CTNNAL1: variants seen among roughly 807,000 people sequenced by gnomAD.
The protein encoded by CTNNAL1 is catenin alpha like 1, also known as alpha-catulin.
CTNNAL1 carries 69 observed loss-of-function variants against 93.6 expected under a neutral mutation model. The observed-to-expected ratio is 0.74, with a 90% CI of 0.61 to 0.90. The LOEUF (loss-of-function observed/expected upper bound fraction) is 0.90, where lower values mean the gene tolerates loss of function less well. Ranked by LOEUF, CTNNAL1 falls within the 40% of genes least tolerant of loss-of-function variation. The probability of loss-of-function intolerance (pLI) is 0.00; values close to 1 mark genes in which losing one functional copy is unlikely to be tolerated. For missense variants in CTNNAL1, 836 were observed against 862.0 expected, an observed-to-expected ratio of 0.97 and a Z score of 0.38; for synonymous variants, 286 against 305.4, an observed-to-expected ratio of 0.94 and a Z score of 0.66.
chr9:108,998,121 C>T (rs989114563), intron 2 of CTNNAL1, among the ~76,000 whole-genome samples: 2 of 152,194 alleles, frequency 1.3e-5, no homozygotes, highest in African/African-American at 4.8e-5. Flanking sequence ...AATTCCCTAT[C>T]CCAGGAGTTC....
At chr9:108,966,949 C>T (rs1830970993) in intron 10 of CTNNAL1, among the ~76,000 whole-genome samples, 2 of 152,152 alleles carry the variant, frequency 1.3e-5, no homozygotes, top group Non-Finnish European at 2.9e-5. Flanking sequence ...TGGCCCATTA[C>T]ATAAAACACA....
At chr9:108,973,655 C>G (rs1181928808) in intron 8 of CTNNAL1, among the ~76,000 whole-genome samples, 1 of 148,738 alleles carries the variant, frequency 6.7e-6, no homozygotes, top group Admixed American at 6.8e-5. Context: ...ACTATTAACT[C>G]CAAAATCTTT....
intron 11 of CTNNAL1, among the ~76,000 whole-genome samples, chr9:108,961,865 A>G (rs1830828718): frequency 6.6e-6 from 1 of 152,182 alleles, no homozygotes; most frequent in Admixed American, 6.5e-5. Context: ...ACAAGAATAC[A>G]GTCATTACTT....
At chr9:108,945,367 C>T (rs534206784) in intron 15 of CTNNAL1, among the ~76,000 whole-genome samples, 35 of 152,174 alleles carry the variant, frequency 2.3e-4, no homozygotes, top group African/African-American at 8.2e-4. Flanking sequence ...AAGTAAATCG[C>T]AGTTATACTG....
chr9:108,986,608 C>G (rs1831616492), intron 4 of CTNNAL1, among the ~76,000 whole-genome samples: 1 of 151,500 alleles, frequency 6.6e-6, no homozygotes, highest in Non-Finnish European at 1.5e-5. Flanking sequence ...GCCACACTGA[C>G]TTCCACAATG....
intron 4 of CTNNAL1, among the ~76,000 whole-genome samples, chr9:108,988,443 T>C (rs1385542041): frequency 3.3e-5 from 5 of 152,206 alleles, no homozygotes; most frequent in African/African-American, 9.6e-5. Context: ...AATAGATTAC[T>C]GTAATAGCCT....
rs1162375548 is a variant in CTNNAL1, at chr9:109,008,876, C to CT, written c.141+4425dup. Among the ~76,000 whole-genome samples the CT allele has an allele frequency of 6.2e-3, 340 of 54,912 alleles. 57 individuals are homozygous for CT. The highest frequency in any genetic ancestry group is 0.019 in the Middle Eastern group (1 of 52). 36.0% of individuals were successfully genotyped at this position (54,912 alleles called of 152,430 possible). A position where few individuals can be genotyped will look rare whatever the true frequency, so the allele number is the denominator to read the frequency against. On this transcript the variant is annotated intron_variant, in intron 1 of 18. Coordinates refer to ENST00000325551, the MANE Select transcript of CTNNAL1 (RefSeq NM_003798.4). ...GTTTTCCTTTTGATGAACAGAGGTTCTTTTTTTTTTTTTTTTTTTTTTTTT... is the reference window on the plus strand; with the variant it reads ...GTTTTCCTTTTGATGAACAGAGGTTCTTTTTTTTTTTTTTTTTTTTTTTTTT...
intron 11 of CTNNAL1, among the ~76,000 whole-genome samples, chr9:108,961,185 A>G (rs1407718370): frequency 6.6e-6 from 1 of 152,242 alleles, no homozygotes; most frequent in Non-Finnish European, 1.5e-5. Context: ...AACAGGAGTC[A>G]TAACAGCAGC....
chr9:108,950,694 T>C (rs1830537387), intron 14 of CTNNAL1: 1 of 1,440,826 alleles, frequency 6.9e-7, no homozygotes. Context: ...ATGCTCATCT[T>C]TTCAGTCTTT....
At chr9:109,009,638 C>T (rs1413905357) in intron 1 of CTNNAL1, among the ~76,000 whole-genome samples, 1 of 152,174 alleles carries the variant, frequency 6.6e-6, no homozygotes, top group African/African-American at 2.4e-5. Flanking sequence ...CAGAGCAAGT[C>T]CATCCACCTT....
At chr9:108,958,081 AAAAC>A (rs1483168705) in intron 11 of CTNNAL1, among the ~76,000 whole-genome samples, 1 of 151,378 alleles carries the variant, frequency 6.6e-6, no homozygotes, top group Non-Finnish European at 1.5e-5. Context: ...AAAAAAAAAA[AAAAC>A]AAAGTGGGAA....
intron 6 of CTNNAL1, among the ~76,000 whole-genome samples, chr9:108,981,352 G>C (rs1185172279): frequency 6.6e-6 from 1 of 152,066 alleles, no homozygotes; most frequent in Non-Finnish European, 1.5e-5. Context: ...CTCAGTGGTA[G>C]GACTGGCATC....
Position 108,983,140 on chromosome 9 carries a change from C to G in CTNNAL1, c.900+5G>C, listed in dbSNP as rs1198373001. ...AAAATAAAAATATACTCTCTTTATT[C>G]TTACCTTGAATTCCTTAATTCCAGT... On this transcript the variant is annotated splice_donor_5th_base_variant and intron_variant, in intron 6 of 18. Transcript: ENST00000325551. 1 of 1,496,644 alleles carries G rather than the reference C, an allele frequency of 6.7e-7. No homozygotes were observed. Among genetic ancestry groups the G allele is most frequent in the Non-Finnish European group, 8.9e-7 (1 of 1,125,916 alleles). 92.7% of individuals were successfully genotyped at this position (1,496,644 alleles called of 1,614,324 possible). A position where few individuals can be genotyped will look rare whatever the true frequency, so the allele number is the denominator to read the frequency against.
At chr9:109,005,968 G>A (rs1278179044) in intron 1 of CTNNAL1, among the ~76,000 whole-genome samples, 2 of 152,104 alleles carry the variant, frequency 1.3e-5, no homozygotes, top group East Asian at 3.8e-4. Flanking sequence ...GAGGAACTAA[G>A]TCAATATGTA....
At chr9:108,981,115 A>G (rs1831414526) in intron 6 of CTNNAL1, among the ~76,000 whole-genome samples, 1 of 152,268 alleles carries the variant, frequency 6.6e-6, no homozygotes, top group Non-Finnish European at 1.5e-5. Context: ...CAGCAGCCAC[A>G]GGCAGAGCAC....
intron 2 of CTNNAL1, among the ~76,000 whole-genome samples, chr9:108,997,721 TC>T (rs1191282777): frequency 6.6e-6 from 1 of 152,156 alleles, no homozygotes; most frequent in Admixed American, 6.5e-5. Flanking sequence ...CTTGGAGTTA[TC>T]CCTGGCTCTT....
chr9:108,985,717 C>T (rs1831585283), intron 4 of CTNNAL1, among the ~76,000 whole-genome samples: 1 of 152,174 alleles, frequency 6.6e-6, no homozygotes, highest in Admixed American at 6.5e-5. Context: ...AAATTTCCAC[C>T]CATTCCTCTT....
intron 11 of CTNNAL1, among the ~76,000 whole-genome samples, chr9:108,959,545 C>G (rs1018438288): frequency 2.0e-5 from 3 of 151,858 alleles, no homozygotes; most frequent in African/African-American, 7.3e-5. Context: ...CCACTGCACA[C>G]CAGCCTGGGT....
intron 10 of CTNNAL1, among the ~76,000 whole-genome samples, chr9:108,967,967 T>C (rs1382275890): frequency 1.3e-5 from 2 of 152,198 alleles, no homozygotes; most frequent in Non-Finnish European, 2.9e-5. Context: ...TAATAGTTGG[T>C]ACCTTTGAAT....
Sources: gnomAD v4.1 joint callset for allele counts (sites outside exome capture counted in the v4.1 genomes callset) on GRCh38, gnomAD v4.1.1 for gene constraint, MANE v1.5 for transcripts, NCBI Gene and HGNC (gene_info 2026-07-23, HGNC 2026-07-21) for gene names.